Variants in TMEM163 observed in about 807,000 individuals in gnomAD.
TMEM163 encodes transmembrane protein 163.
A neutral mutation model predicts 29.3 loss-of-function variants in TMEM163; 17 were observed. That is an observed-to-expected ratio of 0.58 (90% confidence interval 0.40 to 0.87). TMEM163 has a LOEUF of 0.87. Among genes scored for constraint, TMEM163 ranks in the 40% least tolerant of loss-of-function variants. TMEM163 has a pLI of 0.00. For synonymous variants in TMEM163, 157 were observed against 160.6 expected, an observed-to-expected ratio of 0.98 and a Z score of 0.17; for missense variants, 303 against 381.5, an observed-to-expected ratio of 0.79 and a Z score of 1.71.
At chr2:134,650,868 C>T (rs1395056058) in intron 2 of TMEM163, among the ~76,000 whole-genome samples, 6 of 134,554 alleles carry the variant, frequency 4.5e-5, no homozygotes, top group South Asian at 2.5e-4. Context: ...ACAAAGGACA[C>T]GAACTCATCA....
At chr2:134,499,196 A>T (rs1574180931) in intron 5 of TMEM163, among the ~76,000 whole-genome samples, 1 of 152,342 alleles carries the variant, frequency 6.6e-6, no homozygotes, top group African/African-American at 2.4e-5. Flanking sequence ...TAACTAAATA[A>T]AAAAGATGCA....
At chr2:134,545,642 A>C (rs1182449476) in intron 4 of TMEM163, among the ~76,000 whole-genome samples, 1 of 151,860 alleles carries the variant, frequency 6.6e-6, no homozygotes, top group Non-Finnish European at 1.5e-5. Flanking sequence ...AATTCTACAC[A>C]CATTCCTGGT....
rs901501021 is a variant in TMEM163, at chr2:134,645,839, G to A, written c.322+67361C>T. Among the ~76,000 whole-genome samples, 7 of 152,226 alleles carry A rather than the reference G, an allele frequency of 4.6e-5. No individual in the cohort carries two copies. In the South Asian group the frequency reaches 1.2e-3, roughly 27 times the overall value. On this transcript the variant is annotated intron_variant, in intron 2 of 7. Coordinates refer to ENST00000281924, the MANE Select transcript of TMEM163 (RefSeq NM_030923.5). ...GGGGGTATATATAAAGTGACTTTTG[G>A]GGGATAATGAAATTGTGCTGTATTC...
intron 2 of TMEM163, among the ~76,000 whole-genome samples, chr2:134,685,699 A>G (rs1684336344): frequency 6.6e-6 from 1 of 152,210 alleles, no homozygotes; most frequent in African/African-American, 2.4e-5. Context: ...TACAAAGGGA[A>G]CATGGAAGAA....
At chr2:134,525,483 A>G (rs1375464510) in intron 4 of TMEM163, among the ~76,000 whole-genome samples, 1 of 152,244 alleles carries the variant, frequency 6.6e-6, no homozygotes, top group Non-Finnish European at 1.5e-5. Flanking sequence ...CCCATTTTGC[A>G]GGAATTCAAC....
intron 2 of TMEM163, among the ~76,000 whole-genome samples, chr2:134,642,966 AAAG>A (rs1415098169): frequency 2.2e-4 from 34 of 152,152 alleles, no homozygotes; most frequent in Middle Eastern, 6.8e-3. Context: ...AGAGATGAAC[AAAG>A]AATAAGCATG....
Position 134,499,719 on chromosome 2 carries a change from G to A in TMEM163, c.555+3182C>T, listed in dbSNP as rs538151051. Among the ~76,000 whole-genome samples, 15 of 152,320 alleles carry A rather than the reference G, an allele frequency of 9.8e-5. No individual in the cohort carries two copies. In the South Asian group the frequency reaches 2.5e-3, roughly 25 times the overall value. ...GGGACAGGGCTGGGGAAGGGAAGAC[G>A]CTGTTTCTGACAGAACCTACAGTCA... On this transcript the variant is annotated intron_variant, in intron 5 of 7. Transcript: ENST00000281924.
intron 5 of TMEM163, chr2:134,466,596 T>C (rs1686673760): frequency 1.1e-5 from 2 of 188,248 alleles, no homozygotes; most frequent in African/African-American, 2.4e-5. Context: ...CACCAAGCAG[T>C]TGACTGAGAA....
In TMEM163 at chr2:134,505,245, T is replaced by C. The variant is rs1438906761; in HGVS notation, c.459-2248A>G. 4.6e-5 allele frequency among the ~76,000 whole-genome samples: 7 copies of C among 151,454 alleles called. No homozygotes were observed. In the South Asian group the frequency reaches 8.4e-4, roughly 18 times the overall value. On this transcript the variant is annotated intron_variant, in intron 4 of 7. Transcript: ENST00000281924. ...GTACTCACCTGGGGAATTCCTTTTT[T>C]TTTTTTTTTTTTTTTTAAAGTTTCC...
Position 134,706,672 on chromosome 2 carries a change from G to A in TMEM163, c.322+6528C>T, listed in dbSNP as rs142213074. On this transcript the variant is annotated intron_variant, in intron 2 of 7. Coordinates refer to ENST00000281924, the MANE Select transcript of TMEM163 (RefSeq NM_030923.5). ...AGAAACCAAAGGCATCTGAGACTAA[G>A]GGAAGAGCAGGTACGTGGGTTTGGG... Among the ~76,000 whole-genome samples the A allele has an allele frequency of 1.8e-4, 27 of 152,300 alleles. No individual in the cohort carries two copies. The South Asian group carries it at 3.5e-3, about 20-fold the overall frequency.
Position 134,718,977 on chromosome 2 carries a change from G to A in TMEM163, c.-42C>T, listed in dbSNP as rs1395787340. On this transcript the variant is annotated 5_prime_UTR_variant, in exon 1 of 8. Coordinates refer to ENST00000281924, the MANE Select transcript of TMEM163 (RefSeq NM_030923.5). ...TCCCGGCGGCGGCGACGACAAGCGC[G>A]GCGGGGACTCGAGTCAGAAGTGCGA... 9.8e-7 allele frequency: 1 copy of A among 1,025,278 alleles called. No individual in the cohort carries two copies. The highest frequency in any genetic ancestry group is 1.2e-6 in the Non-Finnish European group (1 of 856,710). The allele number at this position is 1,025,278 out of a possible 1,614,324, so 63.5% of individuals were successfully genotyped here.
chr2:134,516,757 A>ATATAT (rs1680077118), intron 4 of TMEM163, among the ~76,000 whole-genome samples: 1 of 148,438 alleles, frequency 6.7e-6, no homozygotes, highest in African/African-American at 2.5e-5. Flanking sequence ...ATATATGAAT[A>ATATAT]GATATATATG....
intron 5 of TMEM163, among the ~76,000 whole-genome samples, chr2:134,492,500 A>G (rs1231447554): frequency 6.6e-6 from 1 of 152,224 alleles, no homozygotes; most frequent in African/African-American, 2.4e-5. Flanking sequence ...TGATTCTTTA[A>G]TAATTCCTCC....
chr2:134,577,837 A>G (rs958859910), intron 2 of TMEM163, among the ~76,000 whole-genome samples: 1 of 152,182 alleles, frequency 6.6e-6, no homozygotes, highest in African/African-American at 2.4e-5. Context: ...ACAATCAATA[A>G]TACAAATAAA....
intron 4 of TMEM163, among the ~76,000 whole-genome samples, chr2:134,541,803 T>C (rs77087036): frequency 1.6e-4 from 21 of 128,674 alleles, no homozygotes; most frequent in African/African-American, 6.1e-4. Flanking sequence ...CACACACACA[T>C]ACACACACAC....
intron 2 of TMEM163, among the ~76,000 whole-genome samples, chr2:134,689,750 G>A (rs1397761878): frequency 6.6e-6 from 1 of 152,190 alleles, no homozygotes. Context: ...ATGACCAAAT[G>A]TTATGGCTTC....
At chr2:134,490,333 C>T (rs1012739535) in intron 5 of TMEM163, among the ~76,000 whole-genome samples, 2 of 152,138 alleles carry the variant, frequency 1.3e-5, no homozygotes, top group Non-Finnish European at 2.9e-5. Flanking sequence ...TGGCTCTTTC[C>T]TCTTACAACC....
intron 2 of TMEM163, among the ~76,000 whole-genome samples, chr2:134,599,565 T>C (rs1422331297): frequency 2.0e-5 from 3 of 152,140 alleles, no homozygotes; most frequent in East Asian, 1.9e-4. Flanking sequence ...TCCAGGACTA[T>C]GAGAAACAAA....
chr2:134,680,000 A>C (rs1243909033), intron 2 of TMEM163, among the ~76,000 whole-genome samples: 1 of 152,222 alleles, frequency 6.6e-6, no homozygotes, highest in African/African-American at 2.4e-5. Flanking sequence ...TCCAACAAAA[A>C]TACCAAGGAA....
Sources: gnomAD v4.1 joint callset for allele counts (sites outside exome capture counted in the v4.1 genomes callset) on GRCh38, gnomAD v4.1.1 for gene constraint, MANE v1.5 for transcripts, NCBI Gene and HGNC (gene_info 2026-07-23, HGNC 2026-07-21) for gene names.